IFT122: variants seen among roughly 807,000 people sequenced by gnomAD.
The protein encoded by IFT122 is intraflagellar transport 122.
In IFT122, 118 loss-of-function variants were observed where a neutral mutation model predicts 161.6. That is an observed-to-expected ratio of 0.73 (90% CI 0.63 to 0.85). IFT122 has a LOEUF of 0.85. IFT122 is among the 40% of genes least tolerant of loss of function. IFT122 has a pLI of 0.00. For missense variants in IFT122, 1,381 were observed against 1,579.6 expected, an observed-to-expected ratio of 0.87 and a Z score of 2.13; for synonymous variants, 550 against 602.4, an observed-to-expected ratio of 0.91 and a Z score of 1.27.
chr3:129,492,133 C>T lies in IFT122; in HGVS notation c.1993-8C>T, dbSNP rs531091599. ...CAGCTTATTTTATTCTTTATTTCTT[C>T]GCCACAGGCCTTCATCAGAGTACAA... On this transcript the variant is annotated splice_polypyrimidine_tract_variant and splice_region_variant and intron_variant, in intron 16 of 29. Coordinates refer to ENST00000348417, the MANE Select transcript of IFT122 (RefSeq NM_052989.3). The T allele has an allele frequency of 7.5e-4, 1,214 of 1,608,360 alleles. 8 individuals carry two copies. The African/African-American group carries it at 0.014, about 19-fold the overall frequency.
intron 18 of IFT122, among the ~76,000 whole-genome samples, chr3:129,499,125 T>TC (rs1357261269): frequency 6.6e-6 from 1 of 151,910 alleles, no homozygotes; most frequent in Non-Finnish European, 1.5e-5. Flanking sequence ...TGCCTCAGAT[T>TC]CCCCCATGGC....
At chr3:129,519,835 C>A in intron 29 of IFT122, 103 bp downstream of exon 29, 1 of 1,374,272 alleles carries the variant, frequency 7.3e-7, no homozygotes, top group Non-Finnish European at 1.0e-6. Context: ...GGGGCACATC[C>A]ATGGCTCCAA....
chr3:129,516,219 GCACA>G (rs141548504), intron 26 of IFT122, among the ~76,000 whole-genome samples: 10,539 of 113,776 alleles, frequency 0.093, 495 homozygotes, highest in South Asian at 0.14. Flanking sequence ...GACTGCCTCT[GCACA>G]CACACACAGA....
In IFT122 at chr3:129,499,979, G is replaced by A; in HGVS notation, c.2286G>A (p.Lys762=). 6.2e-7 allele frequency: 1 copy of A among 1,614,232 alleles called. No homozygotes were observed. The part of the protein sequence containing the change: ...TKQADWARNI[K]EPKAAVEMYI... ...AGGCTGACTGGGCCAGAAATATCAA[G>A]GAGCCCAAAGCCGCCGTGGAGATGT... The change falls in exon 19 of 30, where the codon AAG becomes AAA. Residue 762 remains lysine (K), a synonymous_variant. Transcript: ENST00000348417.
chr3:129,478,265 T>TCCC (rs58550262), intron 12 of IFT122, 47 bp downstream of exon 12: 3 of 1,518,146 alleles, frequency 2.0e-6, no homozygotes, highest in Admixed American at 1.7e-5. Flanking sequence ...CCATTTGTGC[T>TCCC]CCCCCCCCAG....
At chr3:129,477,272 G>A (rs2078061953) in intron 11 of IFT122, among the ~76,000 whole-genome samples, 1 of 152,182 alleles carries the variant, frequency 6.6e-6, no homozygotes. Flanking sequence ...TAGGTCAGAA[G>A]ATCAGAGTTC....
intron 14 of IFT122, 71 bp downstream of exon 14, chr3:129,481,765 G>T: frequency 6.5e-7 from 1 of 1,535,792 alleles, no homozygotes; most frequent in East Asian, 2.3e-5. Context: ...CCCAGTCCCT[G>T]CAGGAGGCTC....
rs1313892298 is a variant in IFT122 at position 129,488,484 on chromosome 3, C to T, written c.1992+87C>T. 159 of 1,554,486 alleles carry T rather than the reference C, an allele frequency of 1.0e-4. 2 individuals are homozygous for T. The highest frequency in any genetic ancestry group is 8.5e-4 in the Middle Eastern group (5 of 5,892). On this transcript the variant is annotated intron_variant, in intron 16 of 29. Transcript: ENST00000348417. ...TGGGGACCCAGGTGGCACGGAGAGG[C>T]CATAGACTGCAGCAGTCTCTGGAGT...
chr3:129,501,040 C>T (rs1577975497), intron 19 of IFT122, among the ~76,000 whole-genome samples: 1 of 151,844 alleles, frequency 6.6e-6, no homozygotes, highest in Non-Finnish European at 1.5e-5. Context: ...TCTGTGGCTG[C>T]TGGTGGGTTA....
chr3:129,520,385 T>TGG lies in IFT122; in HGVS notation c.*127_*128dup. 2 of 820,596 alleles carry TGG rather than the reference T, an allele frequency of 2.4e-6. No individual in the cohort carries two copies. Among genetic ancestry groups the TGG allele is most frequent in the Non-Finnish European group, 4.0e-6 (2 of 493,904 alleles). 50.8% of individuals were successfully genotyped at this position (820,596 alleles called of 1,614,324 possible). On this transcript the variant is annotated 3_prime_UTR_variant, in exon 30 of 30. Coordinates refer to ENST00000348417, the MANE Select transcript of IFT122 (RefSeq NM_052989.3). Reference sequence around the variant, plus strand: ...TTGCCCAGATGAAGTTTGTGTTTTGTGGGGGGGGCCTTGTGTAACCACGGA... The same window carrying TGG: ...TTGCCCAGATGAAGTTTGTGTTTTGTGGGGGGGGGGCCTTGTGTAACCACGGA...
chr3:129,518,150 C>T (rs1168750149), intron 27 of IFT122, among the ~76,000 whole-genome samples: 1 of 152,206 alleles, frequency 6.6e-6, no homozygotes, highest in East Asian at 1.9e-4. Flanking sequence ...GTGGTGCCCC[C>T]ATAACACAGA....
chr3:129,473,098 C>T (rs890160628), intron 9 of IFT122, among the ~76,000 whole-genome samples: 2 of 152,094 alleles, frequency 1.3e-5, no homozygotes, highest in Non-Finnish European at 1.5e-5. Context: ...GCCAGGAGTT[C>T]AAGACTAGCC....
chr3:129,502,808 G>A lies in IFT122; in HGVS notation c.2473G>A (p.Ala825Thr). ...LKKLDSPGYA[A>T]ETYLKMGDLK... ...GAAGCTGGACAGCCCTGGCTATGCT[G>A]CTGAGACCTACCTGAAGATGGGTGA... Residue 825 changes from alanine to threonine, a missense_variant, in exon 20 of 30, where the codon GCT (alanine) becomes ACT (threonine). Physicochemically the swap from Ala to Thr is moderately conservative, Grantham distance 58 (BLOSUM62 0). Transcript: ENST00000348417. The A allele has an allele frequency of 6.2e-7, 1 of 1,613,224 alleles. No individual in the cohort carries two copies.
chr3:129,519,702 C>T lies in IFT122; in HGVS notation c.3606C>T (p.Ala1202=). The T allele has an allele frequency of 6.2e-7, 1 of 1,613,804 alleles. No homozygotes were observed. Among genetic ancestry groups the T allele is most frequent in the Non-Finnish European group, 8.5e-7 (1 of 1,180,018 alleles). The change falls in exon 29 of 30, where the codon GCC becomes GCT. Residue 1202 remains alanine, a synonymous_variant. Coordinates refer to ENST00000348417, the MANE Select transcript of IFT122 (RefSeq NM_052989.3). ...WQYFRSLLPD[A]SITMCPSCFQ... ...ACTTCCGCTCACTGCTGCCTGACGC[C>T]TCCATTACCATGTGCCCCTCCTGCT...
Position 129,495,559 on chromosome 3 carries a change from C to A in IFT122, c.2160C>A (p.Asn720Lys), listed in dbSNP as rs2080732056. 1 of 1,614,184 alleles carries A rather than the reference C, an allele frequency of 6.2e-7. No homozygotes were observed. Among genetic ancestry groups the A allele is most frequent in the East Asian group, 2.2e-5 (1 of 44,874 alleles). Residue 720 changes from asparagine to lysine, a missense_variant, in exon 18 of 30, where the codon AAC becomes AAA. Asn to Lys is a moderately conservative substitution (Grantham distance 94). Around this residue, in one of 7 missense-constraint regions of IFT122, gnomAD observed 496 missense variants for 502.5 expected, o/e 0.99. Transcript: ENST00000348417. ...AKLYKRSGHENLALEMYTDLC... is the reference protein window; with the variant it reads ...AKLYKRSGHEKLALEMYTDLC... ...TGTACAAGAGGAGTGGGCACGAGAA[C>A]CTCGCGCTTGAAATGTACACCGACC...
chr3:129,501,781 A>G (rs370404114), intron 19 of IFT122, among the ~76,000 whole-genome samples: 13 of 152,210 alleles, frequency 8.5e-5, no homozygotes, highest in African/African-American at 2.7e-4. Flanking sequence ...AGGGCTGTCT[A>G]TGCCACCTTT....
intron 1 of IFT122, among the ~76,000 whole-genome samples, chr3:129,449,170 C>T (rs2074424698): frequency 6.6e-6 from 1 of 152,198 alleles, no homozygotes; most frequent in African/African-American, 2.4e-5. Context: ...CGTCTTCCTC[C>T]TTCGAATCCT....
At chr3:129,450,808 C>T (rs531345983) in intron 2 of IFT122, among the ~76,000 whole-genome samples, 22 of 150,492 alleles carry the variant, frequency 1.5e-4, no homozygotes, top group African/African-American at 3.7e-4. Flanking sequence ...GCAAGCTCCA[C>T]CTCCCGGGTT....
intron 25 of IFT122, chr3:129,514,897 T>C: frequency 2.3e-6 from 1 of 442,220 alleles, no homozygotes; most frequent in South Asian, 2.1e-5. Context: ...ACTCTTACTC[T>C]AGAAACCTCT....
Sources: gnomAD v4.1 joint callset for allele counts (sites outside exome capture counted in the v4.1 genomes callset) on GRCh38, gnomAD v4.1.1 for gene constraint, gnomAD v4.1.1 regional missense constraint, MANE v1.5 for transcripts, NCBI Gene and HGNC (gene_info 2026-07-23, HGNC 2026-07-21) for gene names.